The following GRIN2A variants were observed in gnomAD, a reference collection of about 807,000 sequenced individuals.
GRIN2A encodes glutamate receptor ionotropic, NMDA 2A.
A neutral mutation model predicts 113.4 loss-of-function variants in GRIN2A; 22 were observed. The ratio of observed to expected loss-of-function variants is 0.19; its 90% CI spans 0.14 to 0.28. The LOEUF is 0.28. GRIN2A is among the 10% of genes least tolerant of loss of function. The pLI, the probability that GRIN2A is intolerant of heterozygous loss-of-function variation, is 1.00. For missense variants in GRIN2A, 1,502 were observed against 1,887.0 expected (o/e 0.80, Z 3.78); for synonymous variants, 827 against 738.4 (o/e 1.12, Z -1.94).
chr16:9,934,678 T>TAAAAAA (rs33916243), intron 3 of GRIN2A, among the ~76,000 whole-genome samples: 37 of 50,924 alleles, frequency 7.3e-4, no homozygotes, highest in African/African-American at 2.5e-3. Context: ...AGACTCTGTC[T>TAAAAAA]AAAAAAAAAA....
chr16:10,026,022 G>A (rs1013943497), intron 2 of GRIN2A, among the ~76,000 whole-genome samples: 2 of 152,136 alleles, frequency 1.3e-5, no homozygotes, highest in African/African-American at 2.4e-5. Context: ...AATACTGTCT[G>A]GCTACATCAT....
chr16:10,108,298 T>C (rs890105807), intron 2 of GRIN2A, among the ~76,000 whole-genome samples: 21 of 152,154 alleles, frequency 1.4e-4, no homozygotes, highest in African/African-American at 2.4e-4. Context: ...TTTGAAACCA[T>C]TGGATCTCAT....
chr16:10,087,853 AT>A (rs376085870), intron 2 of GRIN2A, among the ~76,000 whole-genome samples: 137 of 108,454 alleles, frequency 1.3e-3, no homozygotes, highest in Middle Eastern at 4.7e-3. Context: ...TGCCCAGCTA[AT>A]TTTTTTTTTT....
chr16:9,774,234 A>G (rs1381212476), intron 11 of GRIN2A, among the ~76,000 whole-genome samples: 1 of 152,224 alleles, frequency 6.6e-6, no homozygotes, highest in East Asian at 1.9e-4. Context: ...AATGAAAGAA[A>G]ATTCAACTAG....
chr16:9,967,562 G>A (rs552890697), intron 2 of GRIN2A, among the ~76,000 whole-genome samples: 12 of 152,204 alleles, frequency 7.9e-5, no homozygotes, highest in South Asian at 6.2e-4. Flanking sequence ...AAAATTAGCC[G>A]GGCGTGCTGG....
intron 10 of GRIN2A, among the ~76,000 whole-genome samples, chr16:9,799,903 C>T (rs948774512): frequency 6.6e-6 from 1 of 152,030 alleles, no homozygotes; most frequent in African/African-American, 2.4e-5. Context: ...CCTTAGAAAT[C>T]CTATGCATAC....
intron 11 of GRIN2A, among the ~76,000 whole-genome samples, chr16:9,783,891 T>C (rs1567293921): frequency 1.3e-5 from 2 of 152,148 alleles, no homozygotes; most frequent in Admixed American, 1.3e-4. Context: ...ATACCCCATG[T>C]TCTCACTTTC....
chr16:10,076,820 C>A (rs965989381), intron 2 of GRIN2A, among the ~76,000 whole-genome samples: 9 of 152,178 alleles, frequency 5.9e-5, no homozygotes, highest in Non-Finnish European at 1.5e-5. Context: ...GCATCTCCAC[C>A]AGGATATGTG....
chr16:9,974,477 C>T (rs190063341), intron 2 of GRIN2A, among the ~76,000 whole-genome samples: 18 of 152,276 alleles, frequency 1.2e-4, no homozygotes, highest in African/African-American at 4.1e-4. Flanking sequence ...CAATCGATCA[C>T]GACCCTCTCA....
rs967944680 is a variant in GRIN2A, at chr16:9,757,235, T to C, written c.*5914A>G. The C allele has an allele frequency of 2.3e-5, 5 of 219,774 alleles. No homozygotes were observed. The highest frequency in any genetic ancestry group is 5.8e-5 in the Admixed American group (1 of 17,292). The allele number at this position is 219,774 out of a possible 1,614,324, so 13.6% of individuals were successfully genotyped here. A position where few individuals can be genotyped will look rare whatever the true frequency, so the allele number is the denominator to read the frequency against. ...GTGCAAAAATGTAGGAGTGTGAGTG[T>C]GTTCACCTGGTTAGCAGCTCCTGGG... On this transcript the variant is annotated 3_prime_UTR_variant, in exon 13 of 13. Coordinates refer to ENST00000330684, the MANE Select transcript of GRIN2A (RefSeq NM_001134407.3).
At chr16:10,038,792 G>A (rs1006972602) in intron 2 of GRIN2A, among the ~76,000 whole-genome samples, 2 of 151,324 alleles carry the variant, frequency 1.3e-5, no homozygotes, top group Non-Finnish European at 2.9e-5. Flanking sequence ...AGCTTGCAGT[G>A]AGCCGAGATC....
chr16:9,795,025 A>G (rs962401057), intron 11 of GRIN2A, among the ~76,000 whole-genome samples: 5 of 151,570 alleles, frequency 3.3e-5, no homozygotes, highest in African/African-American at 1.2e-4. Flanking sequence ...GATGATGATG[A>G]TGATGACGGT....
At chr16:9,954,703 T>TAAAAC (rs1336491429) in intron 2 of GRIN2A, among the ~76,000 whole-genome samples, 7 of 152,124 alleles carry the variant, frequency 4.6e-5, no homozygotes, top group East Asian at 1.9e-4. Flanking sequence ...ACCCCTGGCT[T>TAAAAC]AAAACAAAAC....
At chr16:10,050,004 G>C (rs57030390) in intron 2 of GRIN2A, among the ~76,000 whole-genome samples, 1 of 152,072 alleles carries the variant, frequency 6.6e-6, no homozygotes, top group Non-Finnish European at 1.5e-5. Flanking sequence ...AAGAATAAAG[G>C]TCTCCCAATA....
intron 2 of GRIN2A, among the ~76,000 whole-genome samples, chr16:10,039,389 G>A (rs569172299): frequency 4.6e-5 from 7 of 152,328 alleles, no homozygotes; most frequent in East Asian, 3.9e-4. Context: ...AGGGTCTCAG[G>A]TAAATGTGGC....
At chr16:9,830,726 G>A (rs1251831748) in intron 8 of GRIN2A, among the ~76,000 whole-genome samples, 1 of 152,192 alleles carries the variant, frequency 6.6e-6, no homozygotes, top group Non-Finnish European at 1.5e-5. Context: ...GCACATTGGA[G>A]GCCAAACCCA....
At chr16:10,039,721 C>CCCCT (rs1425792273) in intron 2 of GRIN2A, among the ~76,000 whole-genome samples, 2 of 148,148 alleles carry the variant, frequency 1.3e-5, no homozygotes, top group Non-Finnish European at 3.0e-5. Context: ...GGGCAGAAGC[C>CCCCT]CCCTCCCTCC....
Position 9,755,875 on chromosome 16 carries a change from C to T in GRIN2A, c.*7274G>A, listed in dbSNP as rs1288146416. Reference sequence around the variant, plus strand: ...GAAAAGAAAAAAAAAAAGGAACAGACCAAGAAGGAAAACAACAACAACATT... The same window carrying T: ...GAAAAGAAAAAAAAAAAGGAACAGATCAAGAAGGAAAACAACAACAACATT... On this transcript the variant is annotated 3_prime_UTR_variant, in exon 13 of 13. Coordinates refer to ENST00000330684, the MANE Select transcript of GRIN2A (RefSeq NM_001134407.3). 1.5e-5 allele frequency: 3 copies of T among 205,564 alleles called. No homozygotes were observed. In the East Asian group the frequency reaches 2.2e-4, roughly 15 times the overall value. 12.7% of individuals were successfully genotyped at this position (205,564 alleles called of 1,614,324 possible). A position where few individuals can be genotyped will look rare whatever the true frequency, so the allele number is the denominator to read the frequency against.
intron 4 of GRIN2A, among the ~76,000 whole-genome samples, chr16:9,869,670 G>A (rs953375207): frequency 6.6e-6 from 1 of 152,126 alleles, no homozygotes; most frequent in African/African-American, 2.4e-5. Context: ...TGTAATGTGG[G>A]CATAATAGGA....
Sources: gnomAD v4.1 joint callset for allele counts (sites outside exome capture counted in the v4.1 genomes callset) on GRCh38, gnomAD v4.1.1 for gene constraint, MANE v1.5 for transcripts, NCBI Gene and HGNC (gene_info 2026-07-23, HGNC 2026-07-21) for gene names.